Variants in PCDHGA3 observed in about 807,000 individuals in gnomAD.
PCDHGA3 encodes the protein protocadherin gamma subfamily A, 3.
PCDHGA3 carries 40 observed loss-of-function variants against 58.5 expected under a neutral mutation model. The observed-to-expected ratio is 0.68, with a 90% CI of 0.53 to 0.89. PCDHGA3 has a LOEUF of 0.89. Among genes scored for constraint, PCDHGA3 ranks in the 40% least tolerant of loss-of-function variants. PCDHGA3 has a pLI of 0.00. For missense variants in PCDHGA3, 1,223 were observed against 1,195.9 expected (o/e 1.02, Z -0.33); for synonymous variants, 530 against 525.7 (o/e 1.01, Z -0.11).
intron 1 of PCDHGA3, among the ~76,000 whole-genome samples, chr5:141,424,888 G>C (rs2096846233): frequency 6.6e-6 from 1 of 152,178 alleles, no homozygotes; most frequent in Non-Finnish European, 1.5e-5. Context: ...GACTTATCTA[G>C]GGTTTTTGAT....
rs921020435 is a variant in PCDHGA3, at chr5:141,477,853, G to A, written c.2425-16954G>A. 5.0e-6 allele frequency: 8 copies of A among 1,613,344 alleles called. No homozygotes were observed. The East Asian group carries it at 1.6e-4, about 31-fold the overall frequency. On this transcript the variant is annotated intron_variant, in intron 1 of 3. Coordinates refer to ENST00000253812, the MANE Select transcript of PCDHGA3 (RefSeq NM_018916.4). The surrounding 1 kb of genome is among the most constrained non-coding windows in gnomAD (Gnocchi z 4.9). The stretch of plus-strand genomic sequence containing the variant: ...GGCCAGGTGGGAGCTCGGTGGAGAT[G>A]CTGCCTCGAGGTACCTCAGCTGGCC...
chr5:141,350,304 T>A, intron 1 of PCDHGA3: 1 of 1,521,476 alleles, frequency 6.6e-7, no homozygotes, highest in Non-Finnish European at 8.8e-7. Flanking sequence ...AGTCAGGTAC[T>A]GTTTCCCTTC....
At chr5:141,372,809 G>C (rs1484993556) in intron 1 of PCDHGA3, 5 of 1,587,612 alleles carry the variant, frequency 3.1e-6, no homozygotes, top group Non-Finnish European at 4.3e-6. Context: ...ATTTGCAAAA[G>C]GTGAGTTTCT....
chr5:141,512,241 G>A lies in PCDHGA3; in HGVS notation c.*1068G>A, dbSNP rs533051658. On this transcript the variant is annotated 3_prime_UTR_variant, in exon 4 of 4. Coordinates refer to ENST00000253812, the MANE Select transcript of PCDHGA3 (RefSeq NM_018916.4). ...CCAGGTCCCCTTGAGAGGTCAGAGGGGCCTCTGTGGGTGCTGGGTACTCCA... is the reference window on the plus strand; with the variant it reads ...CCAGGTCCCCTTGAGAGGTCAGAGGAGCCTCTGTGGGTGCTGGGTACTCCA... 1 of 152,866 alleles carries A rather than the reference G, an allele frequency of 6.5e-6. No individual in the cohort carries two copies. The highest frequency in any genetic ancestry group is 2.1e-4 in the South Asian group (1 of 4,824). 9.5% of individuals were successfully genotyped at this position (152,866 alleles called of 1,614,324 possible).
rs375834520 is a variant in PCDHGA3, at chr5:141,389,526, G to A, written c.2424+43069G>A. 145 of 1,613,070 alleles carry A rather than the reference G, an allele frequency of 9.0e-5. No homozygotes were observed. Among genetic ancestry groups the A allele is most frequent in the Non-Finnish European group, 1.2e-4 (141 of 1,179,758 alleles). ...GCTCAGCGCGAACGTGAGCCTGCGC[G>A]TGTTAGTGGACGACCGCAACGACAA... On this transcript the variant is annotated intron_variant, in intron 1 of 3. Coordinates refer to ENST00000253812, the MANE Select transcript of PCDHGA3 (RefSeq NM_018916.4).
At position 141,477,492 on chromosome 5, in the gene PCDHGA3, A is replaced by T; in HGVS notation, c.2425-17315A>T. ...AATGACAACCCTCCACAATCTTCTC[A>T]ATCTTCCTACGACGTTTACATTGAA... On this transcript the variant is annotated intron_variant, in intron 1 of 3. Coordinates refer to ENST00000253812, the MANE Select transcript of PCDHGA3 (RefSeq NM_018916.4). The surrounding 1 kb of genome is among the most constrained non-coding windows in gnomAD (Gnocchi z 4.9). The T allele has an allele frequency of 6.2e-7, 1 of 1,613,980 alleles. No individual in the cohort carries two copies. The highest frequency in any genetic ancestry group is 8.5e-7 in the Non-Finnish European group (1 of 1,179,958).
intron 1 of PCDHGA3, among the ~76,000 whole-genome samples, chr5:141,348,942 T>C (rs1370921552): frequency 6.6e-6 from 1 of 152,250 alleles, no homozygotes; most frequent in Non-Finnish European, 1.5e-5. Context: ...GTTCTAAGCC[T>C]GGAACTACAG....
chr5:141,380,470 G>A (rs755352560), intron 1 of PCDHGA3, among the ~76,000 whole-genome samples: 27 of 152,140 alleles, frequency 1.8e-4, no homozygotes, highest in Non-Finnish European at 3.4e-4. Flanking sequence ...AAATGGTCAG[G>A]ATTCTTCCCA....
Position 141,345,558 on chromosome 5 carries a change from T to TC in PCDHGA3, c.1527dup (p.Asn510GlnfsTer17), listed in dbSNP as rs1757596390. 1 of 1,614,102 alleles carries TC rather than the reference T, an allele frequency of 6.2e-7. No homozygotes were observed. Among genetic ancestry groups the TC allele is most frequent in the Non-Finnish European group, 8.5e-7 (1 of 1,180,010 alleles). ...CCTGTCCTCCTTCGTCTCTATCAAC[T>TC]CCAACACTGGCGTCCTATACGCGCT... On this transcript the variant is annotated frameshift_variant, in exon 1 of 4. Coordinates refer to ENST00000253812, the MANE Select transcript of PCDHGA3 (RefSeq NM_018916.4). LOFTEE classifies it high-confidence loss of function.
At chr5:141,375,610 C>G in intron 1 of PCDHGA3, 1 of 1,614,224 alleles carries the variant, frequency 6.2e-7, no homozygotes, top group Non-Finnish European at 8.5e-7. Context: ...CCATCAACTC[C>G]GACACTGGGA....
Position 141,477,312 on chromosome 5 carries a change from TTACTTC to T in PCDHGA3, c.2425-17493_2425-17488del, listed in dbSNP as rs773034406. Reference sequence around the variant, plus strand: ...GTTCCACCGGGTCTCCCTTTCAGCCTTACTTCTTCCCTCAAGAATTACTTCACTTTG... The same window carrying T: ...GTTCCACCGGGTCTCCCTTTCAGCCTTTCCCTCAAGAATTACTTCACTTTG... On this transcript the variant is annotated intron_variant, in intron 1 of 3. Coordinates refer to ENST00000253812, the MANE Select transcript of PCDHGA3 (RefSeq NM_018916.4). The surrounding 1 kb of genome is among the most constrained non-coding windows in gnomAD (Gnocchi z 4.9). The T allele has an allele frequency of 2.5e-6, 4 of 1,614,162 alleles. No homozygotes were observed. Among genetic ancestry groups the T allele is most frequent in the Non-Finnish European group, 3.4e-6 (4 of 1,180,032 alleles).
chr5:141,350,936 T>C (rs1561498833), intron 1 of PCDHGA3: 2 of 1,614,102 alleles, frequency 1.2e-6, no homozygotes, highest in Non-Finnish European at 1.7e-6. Context: ...CACCCATATC[T>C]GGATCCGAGT....
At chr5:141,423,277 A>G (rs749771302) in intron 1 of PCDHGA3, 4 of 1,613,988 alleles carry the variant, frequency 2.5e-6, no homozygotes, top group Non-Finnish European at 8.5e-7. Flanking sequence ...GTCTCTGGCT[A>G]ACTCTGAAAC....
intron 1 of PCDHGA3, chr5:141,404,204 T>A: frequency 6.2e-7 from 1 of 1,613,718 alleles, no homozygotes; most frequent in Non-Finnish European, 8.5e-7. Context: ...AGCCTCAGAA[T>A]ATAATATCAC....
intron 1 of PCDHGA3, chr5:141,393,177 G>A (rs1330463387): frequency 6.2e-7 from 1 of 1,613,292 alleles, no homozygotes; most frequent in South Asian, 1.1e-5. Flanking sequence ...GGTAGAAATA[G>A]AAATAATTGA....
At chr5:141,499,461 A>G (rs1448103747) in intron 2 of PCDHGA3, among the ~76,000 whole-genome samples, 2 of 152,226 alleles carry the variant, frequency 1.3e-5, no homozygotes. Flanking sequence ...TCATTTTACA[A>G]TCTAGGGAGA....
intron 1 of PCDHGA3, among the ~76,000 whole-genome samples, chr5:141,354,719 G>A (rs1759615571): frequency 6.6e-6 from 1 of 152,042 alleles, no homozygotes; most frequent in African/African-American, 2.4e-5. Context: ...ATGGGCTGTG[G>A]GGATGAACAA....
chr5:141,365,163 C>T (rs1383856831), intron 1 of PCDHGA3: 1 of 1,613,918 alleles, frequency 6.2e-7, no homozygotes, highest in South Asian at 1.1e-5. Flanking sequence ...GGGAAATTGA[C>T]CTACTCTTTT....
At position 141,379,889 on chromosome 5, in the gene PCDHGA3, CTTTTTTTTTTTTTT is replaced by C. The variant is rs70988800; in HGVS notation, c.2424+33449_2424+33462del. Among the ~76,000 whole-genome samples, 12 of 50,834 alleles carry C rather than the reference CTTTTTTTTTTTTTT, an allele frequency of 2.4e-4. 1 individual carries two copies. In the South Asian group the frequency reaches 3.7e-3, roughly 16 times the overall value. The allele number at this position is 50,834 out of a possible 152,430, so 33.3% of individuals were successfully genotyped here. Reference sequence around the variant, plus strand: ...CTTATTTTATGGTCTGTGAAAGCCTCTTTTTTTTTTTTTTTTTTTTTTTTTTTTTTGTCAGAGTC... The same window carrying C: ...CTTATTTTATGGTCTGTGAAAGCCTCTTTTTTTTTTTTTTTTGTCAGAGTC... On this transcript the variant is annotated intron_variant, in intron 1 of 3. Coordinates refer to ENST00000253812, the MANE Select transcript of PCDHGA3 (RefSeq NM_018916.4).
Sources: allele counts gnomAD v4.1 joint callset (sites outside exome capture counted in the v4.1 genomes callset), GRCh38; gene constraint gnomAD v4.1.1; non-coding constraint Gnocchi (gnomAD v3.1); transcripts MANE v1.5; gene names NCBI Gene and HGNC (gene_info 2026-07-23, HGNC 2026-07-21).